PDE1A: variants seen among roughly 807,000 people sequenced by gnomAD.
PDE1A encodes the protein phosphodiesterase 1A.
PDE1A carries 35 observed loss-of-function variants against 61.7 expected under a neutral mutation model. The observed-to-expected ratio is 0.57, with a 90% CI of 0.43 to 0.75. The LOEUF is 0.75. Ranked by LOEUF, PDE1A falls within the 30% of genes least tolerant of loss-of-function variation. The pLI is 0.00. For missense variants in PDE1A, 597 were observed against 630.6 expected (o/e 0.95, Z 0.57); for synonymous variants, 232 against 213.2 (o/e 1.09, Z -0.77).
At chr2:182,455,762 G>C (rs1200647173) in intron 2 of PDE1A, among the ~76,000 whole-genome samples, 1 of 151,990 alleles carries the variant, frequency 6.6e-6, no homozygotes, top group African/African-American at 2.4e-5. Context: ...TGTTGTGGGT[G>C]GGGGAATGGG....
intron 1 of PDE1A, among the ~76,000 whole-genome samples, chr2:182,312,746 C>T (rs567684794): frequency 2.0e-5 from 3 of 151,844 alleles, no homozygotes; most frequent in Admixed American, 6.6e-5. Flanking sequence ...CTTCTAACTT[C>T]GTTCTTCTTT....
chr2:182,235,217 C>T (rs772125016), intron 3 of PDE1A, among the ~76,000 whole-genome samples: 1 of 152,152 alleles, frequency 6.6e-6, no homozygotes, highest in Non-Finnish European at 1.5e-5. Context: ...GATCTGTGCT[C>T]AATGCAAGCT....
At chr2:182,313,374 A>G (rs908396081) in intron 1 of PDE1A, among the ~76,000 whole-genome samples, 1 of 152,194 alleles carries the variant, frequency 6.6e-6, no homozygotes, top group Non-Finnish European at 1.5e-5. Flanking sequence ...AGATCGTGCC[A>G]CTGCACTCCA....
intron 2 of PDE1A, among the ~76,000 whole-genome samples, chr2:182,470,373 A>G (rs1410118613): frequency 6.6e-6 from 1 of 151,896 alleles, no homozygotes; most frequent in Admixed American, 6.6e-5. Flanking sequence ...GTTAATCTCA[A>G]TGCTTTCTAG....
At chr2:182,608,017 G>T in the PDE1A span, among the ~76,000 whole-genome samples, 1 of 152,198 alleles carries the variant, frequency 6.6e-6, no homozygotes, top group Admixed American at 6.5e-5. Context: ...TGGGAAGAGG[G>T]TATTGGGACT....
chr2:182,242,706 G>C (rs1690616127), intron 2 of PDE1A, among the ~76,000 whole-genome samples: 1 of 152,200 alleles, frequency 6.6e-6, no homozygotes. Flanking sequence ...GTCCCCCAAA[G>C]AGAAAGGAAT....
intron 1 of PDE1A, among the ~76,000 whole-genome samples, chr2:182,269,448 G>A (rs1191182872): frequency 1.3e-5 from 2 of 151,650 alleles, no homozygotes; most frequent in Admixed American, 1.3e-4. Flanking sequence ...AGATCGCCAC[G>A]ATTGCACTCC....
downstream of PDE1A, among the ~76,000 whole-genome samples, chr2:182,144,650 G>A (rs1158595194): frequency 2.6e-5 from 4 of 152,108 alleles, no homozygotes; most frequent in Non-Finnish European, 5.9e-5. Flanking sequence ...GACATGGCCA[G>A]GCTGCGATAA....
the PDE1A span, among the ~76,000 whole-genome samples, chr2:182,592,224 T>A: frequency 2.0e-5 from 3 of 152,164 alleles, no homozygotes; most frequent in Admixed American, 1.3e-4. Flanking sequence ...GCCAATAACT[T>A]AAACACAAGC....
the PDE1A span, among the ~76,000 whole-genome samples, chr2:182,692,810 G>A: frequency 1.3e-5 from 2 of 151,692 alleles, no homozygotes; most frequent in Admixed American, 1.3e-4. Context: ...ACAGTAGTCA[G>A]TGTAAACATA....
chr2:182,339,413 T>A (rs1322234291), intron 1 of PDE1A, among the ~76,000 whole-genome samples: 1 of 152,232 alleles, frequency 6.6e-6, no homozygotes, highest in East Asian at 1.9e-4. Context: ...TGAAAATTAC[T>A]TTTTAAAAGA....
At chr2:182,148,868 AT>A (rs901843450) in intron 13 of PDE1A, among the ~76,000 whole-genome samples, 5 of 151,964 alleles carry the variant, frequency 3.3e-5, no homozygotes, top group African/African-American at 1.2e-4. Context: ...ATTTCTGCAC[AT>A]TTCCCAATAG....
the PDE1A span, among the ~76,000 whole-genome samples, chr2:182,713,374 T>A: frequency 6.6e-6 from 1 of 152,150 alleles, no homozygotes; most frequent in African/African-American, 2.4e-5. Context: ...AATTAATAAA[T>A]TAAATGTGCA....
rs1689186932 is a variant in PDE1A at position 182,226,906 on chromosome 2, G to GA, written c.676-2943_676-2942insT. Among the ~76,000 whole-genome samples, 2 of 140,222 alleles carry GA rather than the reference G, an allele frequency of 1.4e-5. 1 individual carries two copies. The highest frequency in any genetic ancestry group is 6.6e-5 in the African/African-American group (2 of 30,466). The allele number at this position is 140,222 out of a possible 152,430, so 92.0% of individuals were successfully genotyped here. On this transcript the variant is annotated intron_variant, in intron 6 of 13. Transcript: ENST00000351439. ...TGTATTATAACAGAAACAAAGGAAG[G>GA]GAATTAACATTAACTGGACACTTTA...
chr2:182,712,909 C>T, the PDE1A span, among the ~76,000 whole-genome samples: 1 of 152,104 alleles, frequency 6.6e-6, no homozygotes, highest in Admixed American at 6.6e-5. Flanking sequence ...GTTGTTTAAA[C>T]ACTTCTGTGG....
chr2:182,555,676 T>C, the PDE1A span, among the ~76,000 whole-genome samples: 2,454 of 152,172 alleles, frequency 0.016, 25 homozygotes, highest in Middle Eastern at 0.034. Flanking sequence ...TTTAAGAATG[T>C]CATTGTTGGC....
intron 2 of PDE1A, among the ~76,000 whole-genome samples, chr2:182,488,095 T>C (rs187963416): frequency 4.6e-5 from 7 of 152,302 alleles, no homozygotes; most frequent in Admixed American, 4.6e-4. Context: ...TGGATTTACA[T>C]AATGTGTGTA....
the PDE1A span, among the ~76,000 whole-genome samples, chr2:182,583,914 T>A: frequency 2.0e-5 from 3 of 152,206 alleles, no homozygotes; most frequent in Non-Finnish European, 4.4e-5. Flanking sequence ...GATTTAAAAC[T>A]TGGAACTCAA....
chr2:182,500,489 A>AG (rs1424480369), intron 2 of PDE1A, among the ~76,000 whole-genome samples: 6 of 136,568 alleles, frequency 4.4e-5, no homozygotes, highest in Non-Finnish European at 9.7e-5. Context: ...AGCTGAGAAA[A>AG]GTTTAATCTA....
Sources: gnomAD v4.1 joint callset for allele counts (sites outside exome capture counted in the v4.1 genomes callset) on GRCh38, gnomAD v4.1.1 for gene constraint, MANE v1.5 for transcripts, NCBI Gene and HGNC (gene_info 2026-07-23, HGNC 2026-07-21) for gene names.